The following SLC2A13 variants were observed in gnomAD, a reference collection of about 807,000 sequenced individuals.
SLC2A13 encodes the protein proton myo-inositol cotransporter.
Under a neutral mutation model 64.4 loss-of-function variants are expected in SLC2A13, and 32 were observed. That is an observed-to-expected ratio of 0.50 (90% CI 0.37 to 0.67). SLC2A13 has a LOEUF of 0.67. SLC2A13 is among the 30% of genes least tolerant of loss of function. The pLI is 0.00. For missense variants in SLC2A13, 743 were observed against 829.2 expected (o/e 0.90, Z 1.28); for synonymous variants, 338 against 327.1 (o/e 1.03, Z -0.36).
chr12:40,024,310 T>C (rs545329510), intron 3 of SLC2A13, among the ~76,000 whole-genome samples: 24 of 152,244 alleles, frequency 1.6e-4, no homozygotes, highest in Non-Finnish European at 3.2e-4. Flanking sequence ...AGATAAAAGA[T>C]GTATAGTTAG....
chr12:39,936,930 C>A (rs1231618228), intron 4 of SLC2A13, among the ~76,000 whole-genome samples: 1 of 152,096 alleles, frequency 6.6e-6, no homozygotes, highest in East Asian at 1.9e-4. Flanking sequence ...ATTAGGTCTT[C>A]TTTAACATGT....
intron 6 of SLC2A13, among the ~76,000 whole-genome samples, chr12:39,861,299 TTTCCA>T (rs1943753030): frequency 6.6e-6 from 1 of 152,208 alleles, no homozygotes; most frequent in South Asian, 2.1e-4. Flanking sequence ...TTTAAGGCAT[TTTCCA>T]TATGTTAATT....
chr12:39,825,255 G>A (rs1942637742), intron 7 of SLC2A13, among the ~76,000 whole-genome samples: 1 of 152,066 alleles, frequency 6.6e-6, no homozygotes, highest in Non-Finnish European at 1.5e-5. Context: ...ATTATTTAAG[G>A]TTTTGTATAT....
intron 1 of SLC2A13, among the ~76,000 whole-genome samples, chr12:40,081,077 G>A (rs946016902): frequency 3.3e-5 from 5 of 151,832 alleles, no homozygotes; most frequent in Admixed American, 6.7e-5. Flanking sequence ...TCTGCTGTTA[G>A]CCTAATGAGA....
In SLC2A13 at chr12:39,793,672, A is replaced by T. The variant is rs77476267; in HGVS notation, c.1446-28814T>A. Among the ~76,000 whole-genome samples, 351 of 152,096 alleles carry T rather than the reference A, an allele frequency of 2.3e-3. 1 individual carries two copies. Among genetic ancestry groups the T allele is most frequent in the African/African-American group, 8.1e-3 (338 of 41,490 alleles). ...ATTGCGTTAGGTAGATGGAGCTGGG[A>T]CCTCTGATTTTAGGCATTCCAAACA... On this transcript the variant is annotated intron_variant, in intron 7 of 9. Coordinates refer to ENST00000280871, the MANE Select transcript of SLC2A13 (RefSeq NM_052885.4).
At chr12:39,893,401 G>A (rs1363033774) in intron 4 of SLC2A13, among the ~76,000 whole-genome samples, 2 of 152,222 alleles carry the variant, frequency 1.3e-5, no homozygotes, top group Non-Finnish European at 2.9e-5. Context: ...CCAGGTTCAA[G>A]CAATTCTCCT....
chr12:39,941,444 G>A (rs532877035), intron 4 of SLC2A13, among the ~76,000 whole-genome samples: 1 of 152,012 alleles, frequency 6.6e-6, no homozygotes, highest in Non-Finnish European at 1.5e-5. Flanking sequence ...ACTGTTTTTT[G>A]ATTTTTTGAT....
At chr12:40,039,336 T>C (rs776092532) in intron 2 of SLC2A13, among the ~76,000 whole-genome samples, 1 of 152,218 alleles carries the variant, frequency 6.6e-6, no homozygotes, top group Non-Finnish European at 1.5e-5. Flanking sequence ...AGTGTGTCTC[T>C]TTAGACAATG....
At chr12:39,782,286 C>T (rs970216314) in intron 7 of SLC2A13, among the ~76,000 whole-genome samples, 5 of 152,154 alleles carry the variant, frequency 3.3e-5, no homozygotes, top group African/African-American at 1.2e-4. Context: ...AATTGTATCT[C>T]TCAGAATTCC....
chr12:40,042,038 T>A (rs930281336), intron 2 of SLC2A13, among the ~76,000 whole-genome samples: 18 of 152,230 alleles, frequency 1.2e-4, no homozygotes, highest in Non-Finnish European at 2.9e-5. Flanking sequence ...AAACTCAGCA[T>A]GTCTCACATT....
intron 7 of SLC2A13, among the ~76,000 whole-genome samples, chr12:39,812,133 A>C (rs190559342): frequency 6.6e-6 from 1 of 152,246 alleles, no homozygotes. Context: ...TCTAGGCACA[A>C]GAAGATTTGG....
At chr12:39,951,416 C>T in intron 3 of SLC2A13, 51 bp from the exon 4 acceptor site, 1 of 1,436,296 alleles carries the variant, frequency 7.0e-7, no homozygotes, top group East Asian at 2.4e-5. Context: ...TTTTAGCTCT[C>T]ATAGTAATTA....
At chr12:40,078,061 T>C (rs1322291286) in intron 1 of SLC2A13, among the ~76,000 whole-genome samples, 1 of 152,180 alleles carries the variant, frequency 6.6e-6, no homozygotes, top group Admixed American at 6.5e-5. Flanking sequence ...AGAGAGAGTA[T>C]GGGGTTTTCT....
In SLC2A13 at chr12:39,794,323, A is replaced by G. The variant is rs139615737; in HGVS notation, c.1446-29465T>C. On this transcript the variant is annotated intron_variant, in intron 7 of 9. Transcript: ENST00000280871. ...TTTTGAGATTCCAAGAATTTCTGAC[A>G]GACACTCTTTAGTTACTTGAAAGAT... 5.6e-3 allele frequency among the ~76,000 whole-genome samples: 848 copies of G among 152,224 alleles called. 6 individuals are homozygous for G. The highest frequency in any genetic ancestry group is 9.5e-3 in the Non-Finnish European group (648 of 68,014).
chr12:39,831,618 C>T (rs144938045), intron 6 of SLC2A13, among the ~76,000 whole-genome samples: 112 of 152,118 alleles, frequency 7.4e-4, no homozygotes, highest in African/African-American at 2.5e-3. Context: ...ATTGTAATCC[C>T]CAAAGTTGGA....
chr12:39,902,362 AAAAAG>A lies in SLC2A13; in HGVS notation c.1035-30406_1035-30402del, dbSNP rs1299439670. Among the ~76,000 whole-genome samples, 7 of 152,166 alleles carry A rather than the reference AAAAAG, an allele frequency of 4.6e-5. No individual in the cohort carries two copies. The East Asian group carries it at 1.2e-3, about 25-fold the overall frequency. On this transcript the variant is annotated intron_variant, in intron 4 of 9. Transcript: ENST00000280871. ...TAATAATAATAAAATAAAAATTAAA[AAAAAG>A]AAGAGTGAAAAGATATGTACATACA...
At chr12:39,836,268 G>T (rs1157413368) in intron 6 of SLC2A13, among the ~76,000 whole-genome samples, 1 of 152,164 alleles carries the variant, frequency 6.6e-6, no homozygotes, top group East Asian at 1.9e-4. Flanking sequence ...GTGAGTGCTG[G>T]GGGAACTGAA....
intron 4 of SLC2A13, among the ~76,000 whole-genome samples, chr12:39,894,514 T>A (rs1944690178): frequency 6.6e-6 from 1 of 152,190 alleles, no homozygotes; most frequent in Non-Finnish European, 1.5e-5. Flanking sequence ...TCTGAAATAA[T>A]TTGTCCTCCT....
intron 4 of SLC2A13, among the ~76,000 whole-genome samples, chr12:39,915,938 C>T (rs1315360220): frequency 1.3e-5 from 2 of 151,782 alleles, no homozygotes; most frequent in Admixed American, 6.6e-5. Flanking sequence ...CAAGAAGGCT[C>T]GACCACTTAC....
Sources: gnomAD v4.1 joint callset for allele counts (sites outside exome capture counted in the v4.1 genomes callset) on GRCh38, gnomAD v4.1.1 for gene constraint, MANE v1.5 for transcripts, NCBI Gene and HGNC (gene_info 2026-07-23, HGNC 2026-07-21) for gene names.